Variants in VCL observed in about 807,000 individuals in gnomAD.
VCL encodes vinculin, also known as epididymis luminal protein 114.
Under a neutral mutation model 125.7 loss-of-function variants are expected in VCL, and 47 were observed. That is an observed-to-expected ratio of 0.37 (90% CI 0.30 to 0.48). The LOEUF is 0.48. VCL is among the 20% of genes least tolerant of loss of function. The probability of loss-of-function intolerance (pLI) is 0.99; values close to 1 mark genes in which losing one functional copy is unlikely to be tolerated. For synonymous variants in VCL, 458 were observed against 514.6 expected (o/e 0.89, Z 1.49); for missense variants, 1,069 against 1,455.5 (o/e 0.73, Z 4.32).
intron 1 of VCL, among the ~76,000 whole-genome samples, chr10:74,018,803 A>G (rs1004898569): frequency 6.6e-6 from 1 of 152,206 alleles, no homozygotes; most frequent in Non-Finnish European, 1.5e-5. Flanking sequence ...CCAGCCACCC[A>G]GTTTCCCTCC....
At chr10:74,094,861 G>C (rs761176306) in intron 11 of VCL, among the ~76,000 whole-genome samples, 24 of 152,212 alleles carry the variant, frequency 1.6e-4, no homozygotes, top group Non-Finnish European at 2.9e-4. Flanking sequence ...TTGAGACCAG[G>C]AGTTCCAGTC....
At chr10:74,042,066 T>A (rs1376573010) in intron 1 of VCL, among the ~76,000 whole-genome samples, 2 of 152,256 alleles carry the variant, frequency 1.3e-5, no homozygotes, top group African/African-American at 2.4e-5. Context: ...TAGAATATTT[T>A]AAAAATGTTC....
At chr10:74,088,202 T>C (rs1005043945) in intron 8 of VCL, among the ~76,000 whole-genome samples, 1 of 152,182 alleles carries the variant, frequency 6.6e-6, no homozygotes, top group Non-Finnish European at 1.5e-5. Flanking sequence ...ACAATCTGGA[T>C]TGTAAAATGA....
At chr10:74,114,669 C>A in intron 20 of VCL, 126 bp from the exon 21 acceptor site, 1 of 1,058,048 alleles carries the variant, frequency 9.5e-7, no homozygotes, top group Non-Finnish European at 1.4e-6. Context: ...TGGAATTCTG[C>A]TGCTTATTTA....
chr10:74,087,582 G>A (rs1197816668), intron 8 of VCL, among the ~76,000 whole-genome samples: 2 of 143,038 alleles, frequency 1.4e-5, no homozygotes, highest in African/African-American at 2.6e-5. Flanking sequence ...GGATGGTCTC[G>A]ATCTCGTGAC....
chr10:74,058,817 A>C (rs996706142), intron 2 of VCL, among the ~76,000 whole-genome samples: 3 of 152,104 alleles, frequency 2.0e-5, no homozygotes, highest in Non-Finnish European at 4.4e-5. Flanking sequence ...AGCTACCTGC[A>C]CTTTGTGATG....
At chr10:74,039,625 A>T (rs77813112) in intron 1 of VCL, among the ~76,000 whole-genome samples, 1 of 146,336 alleles carries the variant, frequency 6.8e-6, no homozygotes, top group African/African-American at 2.5e-5. Flanking sequence ...TCTACAAAAT[A>T]AAAAAAAAAA....
intron 1 of VCL, among the ~76,000 whole-genome samples, chr10:73,999,462 C>T (rs988746901): frequency 2.0e-5 from 3 of 152,178 alleles, no homozygotes; most frequent in African/African-American, 7.2e-5. Flanking sequence ...TCACACTTTT[C>T]TTTCCCACCC....
At chr10:74,029,910 C>T (rs367834426) in intron 1 of VCL, among the ~76,000 whole-genome samples, 2 of 152,022 alleles carry the variant, frequency 1.3e-5, no homozygotes, top group African/African-American at 4.8e-5. Flanking sequence ...AAATAAAAAT[C>T]ACCTGAAATT....
intron 1 of VCL, among the ~76,000 whole-genome samples, chr10:74,001,157 G>A (rs986967679): frequency 2.0e-5 from 3 of 152,160 alleles, no homozygotes; most frequent in South Asian, 2.1e-4. Context: ...GAAAGACTGC[G>A]TGAGAATGGC....
At chr10:74,120,773 C>A (rs558853921), downstream of VCL, 4 of 152,490 alleles carry the variant, frequency 2.6e-5, no homozygotes, top group East Asian at 5.8e-4. Context: ...CCACCTTGAC[C>A]TCCCAAAGTG....
intron 1 of VCL, among the ~76,000 whole-genome samples, chr10:74,005,681 C>T (rs1367219390): frequency 6.6e-6 from 1 of 152,088 alleles, no homozygotes; most frequent in African/African-American, 2.4e-5. Flanking sequence ...CAGGAACCCC[C>T]CTCGGATACC....
chr10:74,105,862 T>TTTTTTAGTGC (rs1840123933), intron 16 of VCL, among the ~76,000 whole-genome samples: 1 of 149,848 alleles, frequency 6.7e-6, no homozygotes, highest in Non-Finnish European at 1.5e-5. Flanking sequence ...ACCTCTGCGC[T>TTTTTTAGTGC]TTTTTAGTGC....
intron 10 of VCL, among the ~76,000 whole-genome samples, chr10:74,090,433 A>G (rs1343505326): frequency 6.6e-6 from 1 of 152,226 alleles, no homozygotes; most frequent in Admixed American, 6.5e-5. Context: ...CATAGTTATA[A>G]ATTGATAAAT....
intron 7 of VCL, among the ~76,000 whole-genome samples, chr10:74,082,992 T>A (rs1333277004): frequency 6.6e-6 from 1 of 152,192 alleles, no homozygotes; most frequent in African/African-American, 2.4e-5. Flanking sequence ...TAGGCTTTAT[T>A]GATTTTCTAA....
At chr10:74,108,862 T>C in intron 17 of VCL, 109 bp from the exon 18 acceptor site, 1 of 1,226,060 alleles carries the variant, frequency 8.2e-7, no homozygotes. Flanking sequence ...TGGTCTTATG[T>C]GGAGTCAATA....
Position 74,114,679 on chromosome 10 carries a change from A to T in VCL, c.3154-116A>T, listed in dbSNP as rs1840285037. Reference sequence around the variant, plus strand: ...ACAAGTGGAATTCTGCTGCTTATTTATCGAGTGCCTTTTCTGTGCCAGCCA... The same window carrying T: ...ACAAGTGGAATTCTGCTGCTTATTTTTCGAGTGCCTTTTCTGTGCCAGCCA... On this transcript the variant is annotated intron_variant, in intron 20 of 21. Coordinates refer to ENST00000211998, the MANE Select transcript of VCL (RefSeq NM_014000.3). 3 of 1,126,524 alleles carry T rather than the reference A, an allele frequency of 2.7e-6. No individual in the cohort carries two copies. The South Asian group carries it at 4.0e-5, about 15-fold the overall frequency. The allele number at this position is 1,126,524 out of a possible 1,614,324, so 69.8% of individuals were successfully genotyped here.
chr10:74,056,199 G>A (rs1368912685), intron 2 of VCL, among the ~76,000 whole-genome samples: 1 of 150,922 alleles, frequency 6.6e-6, no homozygotes, highest in Non-Finnish European at 1.5e-5. Context: ...CATGATGGGT[G>A]TGTGTGTGTG....
At chr10:74,019,236 A>G (rs1840615421) in intron 1 of VCL, among the ~76,000 whole-genome samples, 2 of 152,154 alleles carry the variant, frequency 1.3e-5, no homozygotes, top group African/African-American at 4.8e-5. Context: ...TTGTATTATT[A>G]TTATTTTTAC....
Sources: gnomAD v4.1 joint callset for allele counts (sites outside exome capture counted in the v4.1 genomes callset) on GRCh38, gnomAD v4.1.1 for gene constraint, MANE v1.5 for transcripts, NCBI Gene and HGNC (gene_info 2026-07-23, HGNC 2026-07-21) for gene names.